TMEM209: variants seen among roughly 807,000 people sequenced by gnomAD.
TMEM209 encodes the protein transmembrane protein 209.
Under a neutral mutation model 76.2 loss-of-function variants are expected in TMEM209, and 65 were observed. The observed-to-expected ratio is 0.85, with a 90% confidence interval of 0.70 to 1.05. TMEM209 has a LOEUF of 1.05. TMEM209 is among the 50% of genes least tolerant of loss of function. The pLI, the probability that TMEM209 is intolerant of heterozygous loss-of-function variation, is 0.00. For synonymous variants in TMEM209, 239 were observed against 237.6 expected (o/e 1.01, Z -0.06); for missense variants, 623 against 685.5 (o/e 0.91, Z 1.02).
intron 10 of TMEM209, 142 bp from the exon 11 acceptor site, chr7:130,175,751 A>G: frequency 1.5e-6 from 1 of 650,946 alleles, no homozygotes; most frequent in Non-Finnish European, 2.5e-6. Context: ...TAAAAGATAT[A>G]AAAAGACAAA....
At chr7:130,185,415 C>T (rs1036112824) in intron 6 of TMEM209, 48 bp from the exon 7 acceptor site, 3 of 1,548,178 alleles carry the variant, frequency 1.9e-6, no homozygotes, top group African/African-American at 1.4e-5. Flanking sequence ...GCAATTCTGA[C>T]ATCTACAGTT....
Position 130,202,605 on chromosome 7 carries a change from G to T in TMEM209, c.258C>A (p.Phe86Leu). Residue 86 changes from phenylalanine to leucine, a missense_variant, in exon 4 of 15, where the codon TTC (phenylalanine) becomes TTA (leucine). Coordinates refer to ENST00000397622, the MANE Select transcript of TMEM209 (RefSeq NM_032842.4). ...LNALFDFWRY[F>L]KYTVAPTSLV... The stretch of plus-strand genomic sequence containing the variant: ...GACTTGTTGGTGCCACAGTATATTT[G>T]AAATATCTCCAAAAATCAAATAAGG... The T allele has an allele frequency of 1.9e-6, 3 of 1,613,824 alleles. No individual in the cohort carries two copies. The highest frequency in any genetic ancestry group is 2.5e-6 in the Non-Finnish European group (3 of 1,179,814).
chr7:130,176,512 T>G (rs1431438218), intron 10 of TMEM209, among the ~76,000 whole-genome samples: 1 of 152,182 alleles, frequency 6.6e-6, no homozygotes, highest in Non-Finnish European at 1.5e-5. Context: ...TTTCTCTTTT[T>G]GGATGTACAA....
At chr7:130,199,051 A>G (rs776150004) in intron 5 of TMEM209, among the ~76,000 whole-genome samples, 6 of 152,128 alleles carry the variant, frequency 3.9e-5, no homozygotes, top group Non-Finnish European at 5.9e-5. Context: ...ATGATGCTGT[A>G]TTATTCAATA....
intron 9 of TMEM209, among the ~76,000 whole-genome samples, chr7:130,179,002 G>A (rs71579228): frequency 0.043 from 6,606 of 152,072 alleles, 218 homozygotes; most frequent in Non-Finnish European, 0.067. Context: ...TGCCTAGGCT[G>A]GTCTCAAACT....
chr7:130,203,356 A>T (rs1268406717), intron 3 of TMEM209, among the ~76,000 whole-genome samples: 1 of 152,212 alleles, frequency 6.6e-6, no homozygotes, highest in Non-Finnish European at 1.5e-5. Flanking sequence ...TATGAAATTT[A>T]CTTTAACATC....
chr7:130,175,641 A>G (rs1233632293), intron 10 of TMEM209, 32 bp from the exon 11 acceptor site: 2 of 1,529,436 alleles, frequency 1.3e-6, no homozygotes, highest in East Asian at 2.3e-5. Context: ...TTTAAAAGCT[A>G]AGAGTATGCA....
At chr7:130,195,313 T>C (rs1306882275) in intron 5 of TMEM209, among the ~76,000 whole-genome samples, 1 of 152,108 alleles carries the variant, frequency 6.6e-6, no homozygotes, top group Non-Finnish European at 1.5e-5. Context: ...CTTGGCAATA[T>C]TTTGGCCCCA....
At chr7:130,193,025 G>C (rs1231760212) in intron 5 of TMEM209, among the ~76,000 whole-genome samples, 1 of 152,124 alleles carries the variant, frequency 6.6e-6, no homozygotes, top group African/African-American at 2.4e-5. Flanking sequence ...CTTTGAAACA[G>C]TCTGGCTGTT....
intron 5 of TMEM209, among the ~76,000 whole-genome samples, chr7:130,198,254 ATCC>A (rs988784930): frequency 5.3e-5 from 8 of 152,064 alleles, no homozygotes; most frequent in African/African-American, 1.9e-4. Flanking sequence ...TTTTTTCTGT[ATCC>A]TCCTTGTTGT....
rs1205205061 is a variant in TMEM209, at chr7:130,164,755, TATG to T, written c.*1693_*1695del. 4.6e-5 allele frequency: 7 copies of T among 152,222 alleles called. No homozygotes were observed. The highest frequency in any genetic ancestry group is 8.8e-5 in the Non-Finnish European group (6 of 68,014). 9.4% of individuals were successfully genotyped at this position (152,222 alleles called of 1,614,324 possible). The stretch of plus-strand genomic sequence containing the variant: ...TCTCCATGGTGCTTTTAATGAAGTA[TATG>T]CAACTAGTTTAACAGCATGACAATT... On this transcript the variant is annotated 3_prime_UTR_variant, in exon 15 of 15. Coordinates refer to ENST00000397622, the MANE Select transcript of TMEM209 (RefSeq NM_032842.4).
intron 14 of TMEM209, among the ~76,000 whole-genome samples, chr7:130,167,270 A>G (rs1291522342): frequency 6.6e-6 from 1 of 152,160 alleles, no homozygotes; most frequent in East Asian, 1.9e-4. Flanking sequence ...TTTTAAAATT[A>G]TAAGAATGTA....
chr7:130,195,937 T>C (rs190082662), intron 5 of TMEM209, among the ~76,000 whole-genome samples: 32 of 152,260 alleles, frequency 2.1e-4, no homozygotes, highest in Admixed American at 2.1e-3. Context: ...CAATAACAGG[T>C]ACATATGATT....
At chr7:130,183,677 G>C (rs1438913626) in intron 8 of TMEM209, among the ~76,000 whole-genome samples, 1 of 152,162 alleles carries the variant, frequency 6.6e-6, no homozygotes, top group Non-Finnish European at 1.5e-5. Flanking sequence ...GGAAGACGTG[G>C]AGTTGGAAAT....
At chr7:130,175,378 T>G in intron 11 of TMEM209, 134 bp downstream of exon 11, 1 of 759,244 alleles carries the variant, frequency 1.3e-6, no homozygotes, top group Middle Eastern at 2.7e-4. Flanking sequence ...GGAGGAGCAC[T>G]TGAGCCCTGG....
chr7:130,194,277 TGTACATGA>T (rs1453457058), intron 5 of TMEM209, among the ~76,000 whole-genome samples: 2 of 149,830 alleles, frequency 1.3e-5, no homozygotes, highest in Admixed American at 6.7e-5. Context: ...GGACAGGGGA[TGTACATGA>T]GATCTCTTGA....
intron 5 of TMEM209, among the ~76,000 whole-genome samples, chr7:130,201,088 CAAAAAAA>C (rs869309249): frequency 2.7e-5 from 2 of 74,168 alleles, no homozygotes; most frequent in African/African-American, 5.9e-5. Context: ...GACTCTGTCT[CAAAAAAA>C]AAAAAAAAAA....
chr7:130,167,615 T>G (rs1241440991), intron 14 of TMEM209, among the ~76,000 whole-genome samples: 1 of 152,204 alleles, frequency 6.6e-6, no homozygotes. Context: ...GCTTTCAGTT[T>G]GTCATTAACT....
Position 130,185,200 on chromosome 7 carries a change from C to A in TMEM209, c.943G>T (p.Ala315Ser), listed in dbSNP as rs759012773. 4.3e-6 allele frequency: 7 copies of A among 1,611,250 alleles called. No homozygotes were observed. Among genetic ancestry groups the A allele is most frequent in the Admixed American group, 3.3e-5 (2 of 59,750 alleles). Residue 315 changes from alanine to serine, a missense_variant, in exon 7 of 15, where the codon GCA (alanine) becomes TCA (serine). Physicochemically the swap from Ala to Ser is moderately conservative, Grantham distance 99. Coordinates refer to ENST00000397622, the MANE Select transcript of TMEM209 (RefSeq NM_032842.4). ...TTTTATTTTCCACTTACCTCTTCTG[C>A]GGCTTGTTTAGAGCTGAGATCGGCT... is the stretch of plus-strand genomic sequence containing the variant. ...DEADLSSKQA[A>S]EEVWARVAMN...
Sources: gnomAD v4.1 joint callset for allele counts (sites outside exome capture counted in the v4.1 genomes callset) on GRCh38, gnomAD v4.1.1 for gene constraint, MANE v1.5 for transcripts, NCBI Gene and HGNC (gene_info 2026-07-23, HGNC 2026-07-21) for gene names.